The following BANF2 variants were observed in gnomAD, a reference collection of about 807,000 sequenced individuals.
The protein encoded by BANF2 is BANF family member 2.
Under a neutral mutation model 8.0 loss-of-function variants are expected in BANF2, and 4 were observed. The observed-to-expected ratio is 0.50, with a 90% CI of 0.25 to 1.14. The LOEUF is 1.14. Ranked by LOEUF, BANF2 falls within the 50% of genes most tolerant of loss-of-function variation. The pLI is 0.16. For missense variants in BANF2, 96 were observed against 107.5 expected (o/e 0.89, Z 0.47); for synonymous variants, 50 against 40.6 (o/e 1.23, Z -0.88).
intron 1 of BANF2, among the ~76,000 whole-genome samples, chr20:17,707,910 C>T (rs1302779704): frequency 6.6e-6 from 1 of 151,278 alleles, no homozygotes; most frequent in African/African-American, 2.4e-5. Flanking sequence ...AGAATCAAAA[C>T]TTGACTACGG....
chr20:17,717,039 T>C (rs1398430392), intron 1 of BANF2, among the ~76,000 whole-genome samples: 1 of 152,044 alleles, frequency 6.6e-6, no homozygotes, highest in East Asian at 1.9e-4. Context: ...TTTCATTCTT[T>C]CTCTATGAAA....
intron 3 of BANF2, among the ~76,000 whole-genome samples, chr20:17,734,849 G>A (rs1253912858): frequency 6.6e-6 from 1 of 152,198 alleles, no homozygotes; most frequent in Non-Finnish European, 1.5e-5. Context: ...CACTTTGGGA[G>A]GCCAAGGCAG....
chr20:17,716,387 C>T (rs1323502100), intron 1 of BANF2, among the ~76,000 whole-genome samples: 1 of 151,904 alleles, frequency 6.6e-6, no homozygotes, highest in Non-Finnish European at 1.5e-5. Flanking sequence ...GGCTGGAGTG[C>T]AGTGGTACGA....
At chr20:17,730,238 G>T (rs1012175489) in intron 3 of BANF2, among the ~76,000 whole-genome samples, 3 of 152,120 alleles carry the variant, frequency 2.0e-5, no homozygotes, top group Non-Finnish European at 4.4e-5. Context: ...TTCCTGATTG[G>T]AAAGTGGAGA....
chr20:17,725,534 A>G (rs911751821), intron 3 of BANF2, among the ~76,000 whole-genome samples: 5 of 152,348 alleles, frequency 3.3e-5, no homozygotes, highest in South Asian at 2.1e-4. Context: ...TGCCCCTGCC[A>G]GGGCACCAGC....
chr20:17,727,165 C>T (rs2122639869), intron 3 of BANF2, among the ~76,000 whole-genome samples: 1 of 152,306 alleles, frequency 6.6e-6, no homozygotes, highest in Non-Finnish European at 1.5e-5. Flanking sequence ...CCTGTCGAGT[C>T]AGGGCTGTGG....
At chr20:17,696,909 TTTGGA>T (rs1395695031), upstream of BANF2, among the ~76,000 whole-genome samples, 2 of 152,042 alleles carry the variant, frequency 1.3e-5, no homozygotes, top group Admixed American at 1.3e-4. Flanking sequence ...GGTGTTTTCA[TTTGGA>T]TTGTAGTGTG....
intron 3 of BANF2, among the ~76,000 whole-genome samples, chr20:17,727,993 C>T (rs1385449605): frequency 6.6e-6 from 1 of 152,142 alleles, no homozygotes; most frequent in African/African-American, 2.4e-5. Context: ...TCCCAAAGTG[C>T]TGGGATTACA....
intron 2 of BANF2, among the ~76,000 whole-genome samples, chr20:17,723,089 G>A (rs1010432556): frequency 6.6e-6 from 1 of 152,170 alleles, no homozygotes; most frequent in Non-Finnish European, 1.5e-5. Context: ...GGTCATTCCT[G>A]TATCATAGTC....
At chr20:17,714,215 G>GAA (rs376247279) in intron 1 of BANF2, among the ~76,000 whole-genome samples, 14,640 of 126,600 alleles carry the variant, frequency 0.12, 1,186 homozygotes, top group Middle Eastern at 0.28. Flanking sequence ...AAAAAAAAAA[G>GAA]AAAGAAAGAA....
At chr20:17,703,080 G>T (rs1313450799) in intron 1 of BANF2, among the ~76,000 whole-genome samples, 1 of 152,076 alleles carries the variant, frequency 6.6e-6, no homozygotes, top group East Asian at 1.9e-4. Context: ...TGTGCTTTTT[G>T]ATTTTTGCAT....
intron 2 of BANF2, among the ~76,000 whole-genome samples, chr20:17,724,151 T>A (rs1422332049): frequency 6.6e-6 from 1 of 152,204 alleles, no homozygotes; most frequent in African/African-American, 2.4e-5. Context: ...GCAGTCTTCA[T>A]TAAGGTCCTA....
intron 1 of BANF2, among the ~76,000 whole-genome samples, chr20:17,712,000 G>T (rs2037580923): frequency 6.6e-6 from 1 of 152,220 alleles, no homozygotes; most frequent in African/African-American, 2.4e-5. Context: ...GCTGCCAGGT[G>T]GGTGTGGAGA....
At chr20:17,707,664 CCA>C (rs1331567899) in intron 1 of BANF2, among the ~76,000 whole-genome samples, 1 of 151,974 alleles carries the variant, frequency 6.6e-6, no homozygotes, top group East Asian at 2.0e-4. Flanking sequence ...ATTGCCACAT[CCA>C]CCTCCTGGGT....
At chr20:17,696,606 C>A (rs1304383887), upstream of BANF2, among the ~76,000 whole-genome samples, 1 of 152,052 alleles carries the variant, frequency 6.6e-6, no homozygotes, top group Non-Finnish European at 1.5e-5. Flanking sequence ...AATTCTTTGT[C>A]TGGAGGCAGA....
At chr20:17,729,190 C>G (rs2037857876) in intron 3 of BANF2, among the ~76,000 whole-genome samples, 2 of 152,136 alleles carry the variant, frequency 1.3e-5, no homozygotes, top group Admixed American at 1.3e-4. Context: ...GCTCGCTGTG[C>G]CTGGCTCTAG....
At chr20:17,727,430 C>T (rs1275086575) in intron 3 of BANF2, among the ~76,000 whole-genome samples, 1 of 152,172 alleles carries the variant, frequency 6.6e-6, no homozygotes, top group Non-Finnish European at 1.5e-5. Flanking sequence ...ACTGGAGCAG[C>T]CGTGGATTGT....
At chr20:17,697,542 C>T (rs147555193), upstream of BANF2, among the ~76,000 whole-genome samples, 263 of 152,342 alleles carry the variant, frequency 1.7e-3, 4 homozygotes, top group African/African-American at 5.9e-3. Flanking sequence ...TGTGAACTTA[C>T]AAAGAACAGA....
At chr20:17,707,399 C>A (rs932055248) in intron 1 of BANF2, among the ~76,000 whole-genome samples, 4 of 114,606 alleles carry the variant, frequency 3.5e-5, no homozygotes, top group Non-Finnish European at 3.8e-5. Context: ...AAGAAAATCC[C>A]AGTAAGGATT....
Sources: gnomAD v4.1 joint callset for allele counts (sites outside exome capture counted in the v4.1 genomes callset) on GRCh38, gnomAD v4.1.1 for gene constraint, MANE v1.5 for transcripts, NCBI Gene and HGNC (gene_info 2026-07-23, HGNC 2026-07-21) for gene names.